Variants in SEMA5A observed in about 807,000 individuals in gnomAD.
The protein encoded by SEMA5A is semaphorin 5A.
Under a neutral mutation model 135.5 loss-of-function variants are expected in SEMA5A, and 55 were observed. The observed-to-expected ratio is 0.41, with a 90% CI of 0.33 to 0.51. The LOEUF (loss-of-function observed/expected upper bound fraction) is 0.51. SEMA5A is among the 20% of genes least tolerant of loss of function. SEMA5A has a pLI of 0.37. For missense variants in SEMA5A, 1,290 were observed against 1,419.9 expected, an observed-to-expected ratio of 0.91 and a Z score of 1.47; for synonymous variants, 580 against 546.5, an observed-to-expected ratio of 1.06 and a Z score of -0.85.
At chr5:9,508,693 T>G (rs1342574339) in intron 1 of SEMA5A, among the ~76,000 whole-genome samples, 1 of 152,146 alleles carries the variant, frequency 6.6e-6, no homozygotes, top group African/African-American at 2.4e-5. Flanking sequence ...AGTCCCCTGC[T>G]TACCACCGTC....
rs142389669 is a variant in SEMA5A at position 9,434,884 on chromosome 5, A to G, written c.-78+2872T>C. The stretch of plus-strand genomic sequence containing the variant: ...TGCAATTATAGATTTCTAAGAATGA[A>G]CGAATGAATGAGTACAATAGTTCCT... On this transcript the variant is annotated intron_variant, in intron 2 of 22. Transcript: ENST00000382496. 3.7e-3 allele frequency among the ~76,000 whole-genome samples: 570 copies of G among 152,312 alleles called. 4 individuals are homozygous for G. Among genetic ancestry groups the G allele is most frequent in the African/African-American group, 0.013 (546 of 41,566 alleles).
chr5:9,415,052 C>T (rs1024277282), intron 2 of SEMA5A, among the ~76,000 whole-genome samples: 1 of 152,096 alleles, frequency 6.6e-6, no homozygotes, highest in African/African-American at 2.4e-5. Flanking sequence ...CTACTTGACA[C>T]AAAGGAAAGA....
intron 5 of SEMA5A, among the ~76,000 whole-genome samples, chr5:9,307,312 T>A (rs2150631573): frequency 6.6e-6 from 1 of 152,282 alleles, no homozygotes; most frequent in South Asian, 2.1e-4. Context: ...AAAGGATTGT[T>A]TGTCAAACAT....
chr5:9,154,216 G>A (rs1183071700), intron 12 of SEMA5A, among the ~76,000 whole-genome samples: 2 of 151,014 alleles, frequency 1.3e-5, no homozygotes, highest in African/African-American at 4.9e-5. Context: ...TTACCACTGA[G>A]TGTTCTAAGG....
rs79149123 is a variant in SEMA5A at position 9,311,767 on chromosome 5, A to T, written c.270+6605T>A. 5.9e-5 allele frequency among the ~76,000 whole-genome samples: 9 copies of T among 152,246 alleles called. No individual in the cohort carries two copies. The East Asian group carries it at 1.5e-3, about 26-fold the overall frequency. On this transcript the variant is annotated intron_variant, in intron 5 of 22. Coordinates refer to ENST00000382496, the MANE Select transcript of SEMA5A (RefSeq NM_003966.3). ...ATGATAATAAAATAAAATAAAATAA[A>T]AAGAAGAAAGAAGTTAATATCCACT... is the stretch of plus-strand genomic sequence containing the variant.
At chr5:9,110,570 A>G (rs955881002) in intron 15 of SEMA5A, among the ~76,000 whole-genome samples, 1 of 152,216 alleles carries the variant, frequency 6.6e-6, no homozygotes, top group Non-Finnish European at 1.5e-5. Flanking sequence ...AGAAAACAAA[A>G]CAAAAACAGT....
intron 8 of SEMA5A, among the ~76,000 whole-genome samples, chr5:9,221,371 C>T (rs1038684054): frequency 6.9e-6 from 1 of 144,044 alleles, no homozygotes; most frequent in Non-Finnish European, 1.5e-5. Flanking sequence ...GGCGCGATCT[C>T]GGCTTACTGC....
chr5:9,162,819 G>A (rs1484316453), intron 11 of SEMA5A, among the ~76,000 whole-genome samples: 1 of 152,036 alleles, frequency 6.6e-6, no homozygotes, highest in Non-Finnish European at 1.5e-5. Context: ...AAATTGTGCA[G>A]TTGAGAAAAG....
chr5:9,223,196 A>T (rs532004172), intron 8 of SEMA5A, among the ~76,000 whole-genome samples: 1 of 152,196 alleles, frequency 6.6e-6, no homozygotes, highest in African/African-American at 2.4e-5. Context: ...AAAACAATTC[A>T]TGTTTCCCTT....
At chr5:9,136,917 A>G (rs905706987) in intron 12 of SEMA5A, among the ~76,000 whole-genome samples, 1 of 152,220 alleles carries the variant, frequency 6.6e-6, no homozygotes, top group Non-Finnish European at 1.5e-5. Context: ...TGCTAAAATC[A>G]AGATTCTACA....
rs1245235567 is a variant in SEMA5A, at chr5:9,545,579, C to A, written c.-175+5G>T. The A allele has an allele frequency of 6.6e-6, 1 of 152,288 alleles. No individual in the cohort carries two copies. The highest frequency in any genetic ancestry group is 1.5e-5 in the Non-Finnish European group (1 of 68,176). 9.4% of individuals were successfully genotyped at this position (152,288 alleles called of 1,614,324 possible). ...CCACGCAGGAATCGGGCGGGGGTCG[C>A]TCACCAGGTGCGAGGAGCGCTGGTG... On this transcript the variant is annotated splice_donor_5th_base_variant and intron_variant, in intron 1 of 22. Coordinates refer to ENST00000382496, the MANE Select transcript of SEMA5A (RefSeq NM_003966.3). The surrounding 1 kb of genome is among the most constrained non-coding windows in gnomAD (Gnocchi z 4.5).
At chr5:9,431,445 T>C (rs999719040) in intron 2 of SEMA5A, among the ~76,000 whole-genome samples, 2 of 152,234 alleles carry the variant, frequency 1.3e-5, no homozygotes, top group Non-Finnish European at 2.9e-5. Context: ...TAGTGGTTAC[T>C]GCTCAGGCTT....
At chr5:9,505,587 T>TTACTTAGTC (rs1281779716) in intron 1 of SEMA5A, among the ~76,000 whole-genome samples, 1 of 152,050 alleles carries the variant, frequency 6.6e-6, no homozygotes, top group Non-Finnish European at 1.5e-5. Context: ...TGCAGGAGAG[T>TTACTTAGTC]TACTTAGTCT....
intron 16 of SEMA5A, among the ~76,000 whole-genome samples, chr5:9,087,887 C>T (rs899625267): frequency 2.2e-4 from 34 of 152,336 alleles, no homozygotes; most frequent in African/African-American, 6.7e-4. Flanking sequence ...TCCTAGGAAA[C>T]ATTGCAAAAT....
In SEMA5A at chr5:9,337,693, C is replaced by T. The variant is rs73050533; in HGVS notation, c.224+20G>A. ...TGAAGTCCAAAAATATCTGTGGTGG[C>T]AAAATACAATATCTCTCACCTTGCT... On this transcript the variant is annotated intron_variant, in intron 4 of 22. Coordinates refer to ENST00000382496, the MANE Select transcript of SEMA5A (RefSeq NM_003966.3). 7.7e-4 allele frequency: 1,210 copies of T among 1,566,200 alleles called. 8 individuals carry two copies. The African/African-American group carries it at 0.015, about 19-fold the overall frequency.
chr5:9,066,729 T>A (rs1156868435), intron 16 of SEMA5A, 83 bp from the exon 17 acceptor site: 5 of 1,194,056 alleles, frequency 4.2e-6, no homozygotes, highest in Non-Finnish European at 6.1e-6. Flanking sequence ...TAGGGAAAGA[T>A]AAGGGTCTCT....
chr5:9,240,293 G>T (rs907034621), intron 5 of SEMA5A, among the ~76,000 whole-genome samples: 3 of 151,958 alleles, frequency 2.0e-5, no homozygotes, highest in Non-Finnish European at 4.4e-5. Context: ...GACCATGATT[G>T]TACAGCTTTT....
chr5:9,205,520 AAGG>A (rs1026935948), intron 8 of SEMA5A, among the ~76,000 whole-genome samples: 1 of 152,228 alleles, frequency 6.6e-6, no homozygotes, highest in Non-Finnish European at 1.5e-5. Context: ...TTTTGCAGAC[AAGG>A]AGAAGACTGA....
At chr5:9,474,828 C>T (rs1352774838) in intron 1 of SEMA5A, among the ~76,000 whole-genome samples, 2 of 152,232 alleles carry the variant, frequency 1.3e-5, no homozygotes, top group Admixed American at 6.5e-5. Context: ...AGCCAACCCT[C>T]AAGGGACATT....
Sources: allele counts gnomAD v4.1 joint callset (sites outside exome capture counted in the v4.1 genomes callset), GRCh38; gene constraint gnomAD v4.1.1; non-coding constraint Gnocchi (gnomAD v3.1); transcripts MANE v1.5; gene names NCBI Gene and HGNC (gene_info 2026-07-23, HGNC 2026-07-21).